HECW1: variants seen among roughly 807,000 people sequenced by gnomAD.
HECW1 encodes HECT, C2 and WW domain containing E3 ubiquitin protein ligase 1, also known as E3 ubiquitin-protein ligase HECW1.
HECW1 carries 61 observed loss-of-function variants against 182.3 expected under a neutral mutation model. That is an observed-to-expected ratio of 0.33 (90% CI 0.27 to 0.41). HECW1 has a LOEUF of 0.41. Among genes scored for constraint, HECW1 ranks in the 10% least tolerant of loss-of-function variants. The probability of loss-of-function intolerance (pLI) is 1.00; values close to 1 mark genes in which losing one functional copy is unlikely to be tolerated. For missense variants in HECW1, 1,739 were observed against 2,108.9 expected, an observed-to-expected ratio of 0.82 and a Z score of 3.44; for synonymous variants, 859 against 832.6, an observed-to-expected ratio of 1.03 and a Z score of -0.55.
At chr7:43,499,891 A>G (rs966032073) in intron 19 of HECW1, among the ~76,000 whole-genome samples, 12 of 152,234 alleles carry the variant, frequency 7.9e-5, no homozygotes, top group Non-Finnish European at 1.8e-4. Context: ...TAAAAGGATC[A>G]GAATACACGA....
chr7:43,138,617 A>G (rs1459978476), intron 2 of HECW1, among the ~76,000 whole-genome samples: 1 of 152,190 alleles, frequency 6.6e-6, no homozygotes, highest in Non-Finnish European at 1.5e-5. Context: ...TTCTCAAACT[A>G]TGTCTACAAC....
intron 21 of HECW1, among the ~76,000 whole-genome samples, chr7:43,506,215 T>C (rs2152926992): frequency 6.6e-6 from 1 of 152,308 alleles, no homozygotes; most frequent in East Asian, 1.9e-4. Flanking sequence ...GTATGTTTAT[T>C]TGAGCATCAA....
In HECW1 at chr7:43,341,317, TAAATAAATAAATAAATAAATA is replaced by T. The variant is rs915524769; in HGVS notation, c.461-19566_461-19546del. On this transcript the variant is annotated intron_variant, in intron 5 of 29. Coordinates refer to ENST00000395891, the MANE Select transcript of HECW1 (RefSeq NM_015052.5). ...TAGAACTTACAGTATTATAAATAAA[TAAATAAATAAATAAATAAATA>T]AATAAATAAATAGTTACAGTGTCAT... Among the ~76,000 whole-genome samples, 10 of 69,808 alleles carry T rather than the reference TAAATAAATAAATAAATAAATA, an allele frequency of 1.4e-4. No individual in the cohort carries two copies. In the African/African-American group the frequency reaches 1.7e-3, roughly 12 times the overall value. 45.8% of individuals were successfully genotyped at this position (69,808 alleles called of 152,430 possible).
intron 12 of HECW1, among the ~76,000 whole-genome samples, chr7:43,454,373 C>T (rs1165454413): frequency 1.3e-5 from 2 of 152,138 alleles, no homozygotes; most frequent in Admixed American, 1.3e-4. Flanking sequence ...TGTCCTACTG[C>T]TTTTACTAAT....
chr7:43,236,603 CT>C (rs1230851101), intron 2 of HECW1, among the ~76,000 whole-genome samples: 1 of 152,188 alleles, frequency 6.6e-6, no homozygotes, highest in Non-Finnish European at 1.5e-5. Flanking sequence ...AGATTGCATT[CT>C]TTTGAGTCCT....
At chr7:43,457,290 GA>G (rs1255994833) in intron 13 of HECW1, among the ~76,000 whole-genome samples, 2 of 152,136 alleles carry the variant, frequency 1.3e-5, no homozygotes, top group East Asian at 3.9e-4. Context: ...TCCTTCAGTT[GA>G]AATTGCACCC....
chr7:43,552,185 T>C, intron 27 of HECW1, 37 bp from the exon 28 acceptor site: 5 of 1,278,630 alleles, frequency 3.9e-6, no homozygotes, highest in Non-Finnish European at 5.7e-6. Flanking sequence ...TTTCCATGTG[T>C]TTGGACCTGG....
intron 16 of HECW1, among the ~76,000 whole-genome samples, chr7:43,472,554 T>G (rs2078064251): frequency 2.0e-5 from 3 of 152,098 alleles, no homozygotes; most frequent in Middle Eastern, 6.8e-3. Context: ...ACCAGAATAC[T>G]AGGTATAGCA....
At chr7:43,345,791 CA>C in intron 5 of HECW1, among the ~76,000 whole-genome samples, 1 of 45,092 alleles carries the variant, frequency 2.2e-5, no homozygotes, top group East Asian at 5.6e-4. Context: ...AGTATTCCAT[CA>C]TATATATACA....
intron 2 of HECW1, among the ~76,000 whole-genome samples, chr7:43,166,068 G>GT (rs1791078481): frequency 6.6e-6 from 1 of 152,164 alleles, no homozygotes; most frequent in Admixed American, 6.5e-5. Context: ...TCTGGTGAAG[G>GT]GATTTTTGTT....
chr7:43,262,058 T>G (rs1471503800), intron 3 of HECW1, among the ~76,000 whole-genome samples: 1 of 151,942 alleles, frequency 6.6e-6, no homozygotes, highest in African/African-American at 2.4e-5. Context: ...CCGTCTCTAC[T>G]AAAAACACAA....
chr7:43,420,332 A>T (rs924966326), intron 8 of HECW1, among the ~76,000 whole-genome samples: 10 of 152,212 alleles, frequency 6.6e-5, no homozygotes, highest in African/African-American at 2.4e-4. Flanking sequence ...TAATATATTA[A>T]TAATAATAAC....
chr7:43,530,330 C>T (rs2080931707), intron 24 of HECW1, among the ~76,000 whole-genome samples: 1 of 151,956 alleles, frequency 6.6e-6, no homozygotes, highest in Non-Finnish European at 1.5e-5. Context: ...ATCTTAGATT[C>T]TGACATGCCA....
At chr7:43,507,069 CAAAAAAGA>C in intron 21 of HECW1, 60 bp from the exon 22 acceptor site, 1 of 1,557,566 alleles carries the variant, frequency 6.4e-7, no homozygotes, top group Admixed American at 1.9e-5. Flanking sequence ...GACTCCTTCT[CAAAAAAGA>C]AAAAAAGAAG....
intron 26 of HECW1, 29 bp from the exon 27 acceptor site, chr7:43,550,416 G>A (rs2152958671): frequency 6.2e-7 from 1 of 1,613,150 alleles, no homozygotes; most frequent in Non-Finnish European, 8.5e-7. Flanking sequence ...GAACTGACAA[G>A]CATCGCAATA....
intron 7 of HECW1, among the ~76,000 whole-genome samples, chr7:43,401,582 T>TTTC (rs1435088623): frequency 1.3e-5 from 2 of 150,598 alleles, no homozygotes; most frequent in East Asian, 1.9e-4. Flanking sequence ...TTTTTTTTTT[T>TTTC]TTTTCCCCCA....
intron 2 of HECW1, among the ~76,000 whole-genome samples, chr7:43,163,576 A>G (rs1046370747): frequency 6.6e-6 from 1 of 152,152 alleles, no homozygotes; most frequent in South Asian, 2.1e-4. Flanking sequence ...GGAGCTTGCT[A>G]CAAGTCACCC....
chr7:43,185,581 C>T (rs1449822104), intron 2 of HECW1, among the ~76,000 whole-genome samples: 1 of 152,146 alleles, frequency 6.6e-6, no homozygotes, highest in Non-Finnish European at 1.5e-5. Context: ...TGAAAGACTG[C>T]TTGGTGGGGA....
intron 2 of HECW1, among the ~76,000 whole-genome samples, chr7:43,216,168 CAG>C (rs1222965198): frequency 1.3e-5 from 2 of 151,958 alleles, no homozygotes; most frequent in Non-Finnish European, 2.9e-5. Context: ...TTTTTTGAGA[CAG>C]AGTCTTGCTC....
Sources: allele counts gnomAD v4.1 joint callset (sites outside exome capture counted in the v4.1 genomes callset), GRCh38; gene constraint gnomAD v4.1.1; transcripts MANE v1.5; gene names NCBI Gene and HGNC (gene_info 2026-07-23, HGNC 2026-07-21).